C5orf58: variants seen among roughly 807,000 people sequenced by gnomAD.
C5orf58 encodes chromosome 5 open reading frame 58.
C5orf58 carries 2 observed loss-of-function variants against 2.9 expected under a neutral mutation model. That is an observed-to-expected ratio of 0.69 (90% CI 0.28 to 2.18). The LOEUF is 2.18. C5orf58 is among the 30% of genes most tolerant of loss of function. C5orf58 has a pLI of 0.13. For synonymous variants in C5orf58, 37 were observed against 33.4 expected (o/e 1.11, Z -0.37); for missense variants, 96 against 91.7 (o/e 1.05, Z -0.19).
downstream of C5orf58, chr5:170,247,942 A>T (rs1761336779): frequency 6.6e-6 from 1 of 152,120 alleles, no homozygotes; most frequent in South Asian, 2.1e-4. Context: ...TGTTCATTAA[A>T]CCTAGACCCA....
At chr5:170,238,503 AAG>A (rs1381038869) in intron 3 of C5orf58, among the ~76,000 whole-genome samples, 11 of 152,204 alleles carry the variant, frequency 7.2e-5, no homozygotes, top group Non-Finnish European at 1.6e-4. Flanking sequence ...GAGTGTTAGA[AAG>A]AGAGAACATA....
intron 3 of C5orf58, among the ~76,000 whole-genome samples, chr5:170,238,202 CAAAT>C (rs1161002051): frequency 6.6e-6 from 1 of 151,732 alleles, no homozygotes. Flanking sequence ...GAGGAAGAAA[CAAAT>C]AATGAGGGGA....
At chr5:170,234,716 C>G (rs1760668362) in intron 2 of C5orf58, among the ~76,000 whole-genome samples, 1 of 152,178 alleles carries the variant, frequency 6.6e-6, no homozygotes, top group Admixed American at 6.5e-5. Context: ...ATCTTCATTT[C>G]CATTGTAAGC....
At chr5:170,243,596 G>A (rs1393435744) in intron 3 of C5orf58, among the ~76,000 whole-genome samples, 6 of 150,940 alleles carry the variant, frequency 4.0e-5, no homozygotes, top group Non-Finnish European at 5.9e-5. Context: ...GACTAGGATC[G>A]CAACCCCTGC....
At chr5:170,241,474 C>G (rs1045850588) in intron 3 of C5orf58, among the ~76,000 whole-genome samples, 1 of 150,932 alleles carries the variant, frequency 6.6e-6, no homozygotes, top group African/African-American at 2.5e-5. Context: ...TTGTAGTTCT[C>G]CTTGAAGAGG....
At position 170,242,757 on chromosome 5, in the gene C5orf58, T is replaced by A. The variant is rs1404069910; in HGVS notation, c.95-3205T>A. 4.0e-5 allele frequency among the ~76,000 whole-genome samples: 6 copies of A among 150,600 alleles called. No homozygotes were observed. The South Asian group carries it at 1.3e-3, about 32-fold the overall frequency. On this transcript the variant is annotated intron_variant, in intron 3 of 3. Coordinates refer to ENST00000593851, the MANE Select transcript of C5orf58 (RefSeq NM_001102609.3). ...CCTGGATTCATTAATTTTTGAAGGGTTTTTTGTGTCTCTATTTCCTTCAGT... is the reference window on the plus strand; with the variant it reads ...CCTGGATTCATTAATTTTTGAAGGGATTTTTGTGTCTCTATTTCCTTCAGT...
At chr5:170,233,984 T>C (rs551157833) in intron 1 of C5orf58, 131 bp from the exon 2 acceptor site, 3 of 420,464 alleles carry the variant, frequency 7.1e-6, no homozygotes, top group East Asian at 7.2e-5. Context: ...TGTTAAAATA[T>C]CATCTTTCTT....
intron 3 of C5orf58, among the ~76,000 whole-genome samples, chr5:170,237,057 A>G (rs1244062925): frequency 6.6e-6 from 1 of 152,182 alleles, no homozygotes; most frequent in Admixed American, 6.5e-5. Context: ...ATTCCCCCCA[A>G]ACTTGATTAT....
chr5:170,244,599 G>A (rs868081355), intron 3 of C5orf58, among the ~76,000 whole-genome samples: 4 of 151,728 alleles, frequency 2.6e-5, no homozygotes, highest in East Asian at 3.9e-4. Flanking sequence ...CATTCTTCAC[G>A]TAGTTCTCGA....
At chr5:170,251,167 T>G (rs1761430516), downstream of C5orf58, 1 of 320,868 alleles carries the variant, frequency 3.1e-6, no homozygotes, top group Non-Finnish European at 5.8e-6. Context: ...CGGAATCTTT[T>G]GTTCAGTAAT....
downstream of C5orf58, chr5:170,250,674 A>G (rs931329666): frequency 5.3e-5 from 74 of 1,393,360 alleles, no homozygotes; most frequent in Non-Finnish European, 6.8e-5. Flanking sequence ...CCATGAAGGC[A>G]TGCAGAGTGG....
At position 170,242,130 on chromosome 5, in the gene C5orf58, A is replaced by G. The variant is rs1342357680; in HGVS notation, c.95-3832A>G. 4.3e-4 allele frequency among the ~76,000 whole-genome samples: 64 copies of G among 150,228 alleles called. No individual in the cohort carries two copies. The East Asian group carries it at 0.012, about 28-fold the overall frequency. On this transcript the variant is annotated intron_variant, in intron 3 of 3. Coordinates refer to ENST00000593851, the MANE Select transcript of C5orf58 (RefSeq NM_001102609.3). Reference sequence around the variant, plus strand: ...GCCTTGCATCCCAGGGATGAAGCCCACTTGATCATGGTGGATAAGCTTTTT... The same window carrying G: ...GCCTTGCATCCCAGGGATGAAGCCCGCTTGATCATGGTGGATAAGCTTTTT...
intron 3 of C5orf58, among the ~76,000 whole-genome samples, chr5:170,240,888 C>G (rs1239912769): frequency 2.0e-5 from 3 of 152,038 alleles, no homozygotes; most frequent in South Asian, 4.2e-4. Flanking sequence ...AGGTTTTCTT[C>G]TAGGGTTTTT....
intron 3 of C5orf58, among the ~76,000 whole-genome samples, chr5:170,238,797 C>G (rs990054817): frequency 3.3e-5 from 5 of 152,170 alleles, no homozygotes; most frequent in Non-Finnish European, 7.3e-5. Context: ...TGATTTCCAA[C>G]CTAGATTTCT....
downstream of C5orf58, chr5:170,250,736 C>T: frequency 6.2e-7 from 1 of 1,612,918 alleles, no homozygotes; most frequent in Non-Finnish European, 8.5e-7. Context: ...TTACCTCTTT[C>T]CCTCGGAGTC....
At chr5:170,244,068 G>A (rs182818631) in intron 3 of C5orf58, among the ~76,000 whole-genome samples, 123 of 152,088 alleles carry the variant, frequency 8.1e-4, no homozygotes, top group African/African-American at 2.8e-3. Context: ...GAAATTCTGG[G>A]TTGAAGATCC....
At chr5:170,250,266 G>C (rs1333794418), downstream of C5orf58, among the ~76,000 whole-genome samples, 3 of 152,126 alleles carry the variant, frequency 2.0e-5, no homozygotes, top group African/African-American at 7.2e-5. Context: ...GAATTTCTTT[G>C]GCGATCTGGC....
downstream of C5orf58, among the ~76,000 whole-genome samples, chr5:170,250,138 G>A (rs77169525): frequency 3.3e-3 from 496 of 152,268 alleles, 6 homozygotes; most frequent in African/African-American, 0.011. Context: ...TGTTTGGGGC[G>A]TTACCTTCAG....
chr5:170,249,479 C>A (rs1333387701), downstream of C5orf58, among the ~76,000 whole-genome samples: 5 of 151,268 alleles, frequency 3.3e-5, no homozygotes, highest in Admixed American at 6.6e-5. Flanking sequence ...AATATTCTTG[C>A]CTCGGGTTGC....
Sources: allele counts gnomAD v4.1 joint callset (sites outside exome capture counted in the v4.1 genomes callset), GRCh38; gene constraint gnomAD v4.1.1; transcripts MANE v1.5; gene names NCBI Gene and HGNC (gene_info 2026-07-23, HGNC 2026-07-21).